Variants in SRGAP2B observed in about 807,000 individuals in gnomAD.
SRGAP2B encodes the protein SLIT-ROBO Rho GTPase-activating protein 2B.
SRGAP2B carries 9 observed loss-of-function variants against 22.2 expected under a neutral mutation model. That is an observed-to-expected ratio of 0.41 (90% CI 0.24 to 0.71). SRGAP2B has a LOEUF of 0.71. SRGAP2B is among the 30% of genes least tolerant of loss of function. The pLI, the probability that SRGAP2B is intolerant of heterozygous loss-of-function variation, is 0.35. For missense variants in SRGAP2B, 114 were observed against 235.8 expected (o/e 0.48, Z 3.38); for synonymous variants, 36 against 87.4 (o/e 0.41, Z 3.28).
intron 2 of SRGAP2B, among the ~76,000 whole-genome samples, chr1:145,044,291 G>A (rs1553628193): frequency 1.6e-5 from 2 of 123,392 alleles, no homozygotes; most frequent in African/African-American, 7.0e-5. Flanking sequence ...TCAACTTGAA[G>A]AGATACTTAT....
In SRGAP2B at chr1:144,889,294, G is replaced by T. The variant is rs1662084870; in HGVS notation, c.*2866C>A. 2.1e-5 allele frequency: 3 copies of T among 143,044 alleles called. No homozygotes were observed. In the South Asian group the frequency reaches 6.8e-4, roughly 32 times the overall value. The allele number at this position is 143,044 out of a possible 1,614,324, so 8.9% of individuals were successfully genotyped here. A position where few individuals can be genotyped will look rare whatever the true frequency, so the allele number is the denominator to read the frequency against. ...TTTTTCAAATGAGAAGGTTGGGTTAGGTAATTTTTAAAAATCGCTTCAAGT... is the reference window on the plus strand; with the variant it reads ...TTTTTCAAATGAGAAGGTTGGGTTATGTAATTTTTAAAAATCGCTTCAAGT... On this transcript the variant is annotated 3_prime_UTR_variant, in exon 10 of 10. Coordinates refer to ENST00000612199, the Ensembl canonical transcript of SRGAP2B.
intron 3 of SRGAP2B, among the ~76,000 whole-genome samples, chr1:144,988,904 TTATGG>T (rs1238580080): frequency 4.9e-5 from 7 of 141,810 alleles, no homozygotes; most frequent in South Asian, 2.3e-4. Context: ...CCTCTGACCA[TTATGG>T]TTCTATGCTT....
intron 3 of SRGAP2B, among the ~76,000 whole-genome samples, chr1:144,957,308 T>C (rs587635691): frequency 1.3e-4 from 19 of 149,370 alleles, no homozygotes; most frequent in Middle Eastern, 3.4e-3. Flanking sequence ...TCCAATTCTA[T>C]AGTAGTAACT....
chr1:144,958,121 A>G (rs1189643294), intron 3 of SRGAP2B, among the ~76,000 whole-genome samples: 1 of 151,110 alleles, frequency 6.6e-6, no homozygotes, highest in Non-Finnish European at 1.5e-5. Flanking sequence ...AAAGACCTAT[A>G]GTAAAGTAGA....
At chr1:144,925,718 G>GAGAGAGAGAT (rs1664633246) in intron 4 of SRGAP2B, among the ~76,000 whole-genome samples, 1 of 136,696 alleles carries the variant, frequency 7.3e-6, no homozygotes, top group Non-Finnish European at 1.6e-5. Context: ...AAGAGAGAGA[G>GAGAGAGAGAT]AGAGAAAGAA....
chr1:145,002,538 A>C (rs1671264929), intron 2 of SRGAP2B, among the ~76,000 whole-genome samples: 1 of 128,922 alleles, frequency 7.8e-6, no homozygotes, highest in African/African-American at 3.3e-5. Context: ...CAACATAGCA[A>C]GACCTCATCT....
intron 4 of SRGAP2B, among the ~76,000 whole-genome samples, chr1:144,945,052 G>GTAATTGGTAAA (rs1553608208): frequency 6.0e-5 from 8 of 132,488 alleles, no homozygotes; most frequent in South Asian, 2.6e-4. Flanking sequence ...GAGCCACCAT[G>GTAATTGGTAAA]CCCAGCCAAA....
chr1:145,044,822 GA>G (rs1252556409), intron 2 of SRGAP2B, among the ~76,000 whole-genome samples: 2 of 148,390 alleles, frequency 1.3e-5, no homozygotes, highest in African/African-American at 5.1e-5. Flanking sequence ...AAACCAACTG[GA>G]GGGATATAGG....
rs1283935721 is a variant in SRGAP2B, at chr1:144,991,357, G to T, written c.260+3651C>A. On this transcript the variant is annotated intron_variant, in intron 3 of 9. Coordinates refer to ENST00000612199, the Ensembl canonical transcript of SRGAP2B. The stretch of plus-strand genomic sequence containing the variant: ...ATCAGCACCCTGTGTTTAGCTCAAG[G>T]TTTGTAAGTGCACCAATCGACACTC... 5.4e-5 allele frequency among the ~76,000 whole-genome samples: 8 copies of T among 147,364 alleles called. No individual in the cohort carries two copies. The East Asian group carries it at 1.6e-3, about 29-fold the overall frequency.
chr1:145,015,463 TC>T (rs1400226534), intron 2 of SRGAP2B, among the ~76,000 whole-genome samples: 3 of 112,292 alleles, frequency 2.7e-5, no homozygotes, highest in Non-Finnish European at 5.3e-5. Context: ...TAAACCAGCT[TC>T]TTGGGCCTGC....
chr1:145,005,097 CAGGCCAGGGCCAGCA>C (rs1365161188), intron 2 of SRGAP2B, among the ~76,000 whole-genome samples: 1 of 102,154 alleles, frequency 9.8e-6, no homozygotes, highest in Non-Finnish European at 2.0e-5. Flanking sequence ...GGTAAATAAG[CAGGCCAGGGCCAGCA>C]GAGAGGGTCC....
chr1:144,918,494 T>TATCATGTTGTATAC (rs1664033830), intron 4 of SRGAP2B: 2 of 142,480 alleles, frequency 1.4e-5, no homozygotes, highest in Admixed American at 6.9e-5. Flanking sequence ...ACCAGTTGTA[T>TATCATGTTGTATAC]GCTGACAAAA....
At chr1:145,082,203 C>T (rs1652998350) in intron 2 of SRGAP2B, among the ~76,000 whole-genome samples, 1 of 147,526 alleles carries the variant, frequency 6.8e-6, no homozygotes, top group African/African-American at 2.7e-5. Flanking sequence ...AAGTTCAGAA[C>T]CATTCATTCA....
At position 145,023,723 on chromosome 1, in the gene SRGAP2B, T is replaced by A. The variant is rs1225869735; in HGVS notation, c.68-28523A>T. Among the ~76,000 whole-genome samples, 26 of 139,098 alleles carry A rather than the reference T, an allele frequency of 1.9e-4. 4 individuals carry two copies. The highest frequency in any genetic ancestry group is 6.7e-4 in the African/African-American group (26 of 38,546). 91.3% of individuals were successfully genotyped at this position (139,098 alleles called of 152,430 possible). A position where few individuals can be genotyped will look rare whatever the true frequency, so the allele number is the denominator to read the frequency against. ...CAAACCACTTCAATCCAACAAATCTTTACTGAGCACCTACTACTATGCCCT... is the reference window on the plus strand; with the variant it reads ...CAAACCACTTCAATCCAACAAATCTATACTGAGCACCTACTACTATGCCCT... On this transcript the variant is annotated intron_variant, in intron 2 of 9. Transcript: ENST00000612199.
intron 2 of SRGAP2B, among the ~76,000 whole-genome samples, chr1:145,020,872 T>C (rs1427696149): frequency 6.7e-6 from 1 of 150,340 alleles, no homozygotes; most frequent in Non-Finnish European, 1.5e-5. Context: ...TGATCTTGGC[T>C]CACTGCAAAC....
intron 3 of SRGAP2B, among the ~76,000 whole-genome samples, chr1:144,956,433 C>T (rs1289848744): frequency 7.6e-6 from 1 of 131,192 alleles, no homozygotes; most frequent in African/African-American, 3.0e-5. Context: ...CCAAGGTGCT[C>T]ATTCCCTTTT....
intron 2 of SRGAP2B, among the ~76,000 whole-genome samples, chr1:145,022,140 G>A (rs1266630697): frequency 8.4e-6 from 1 of 119,288 alleles, no homozygotes. Flanking sequence ...GCCACAAGGA[G>A]GCAATTTCAG....
At chr1:144,964,992 C>G (rs1484920576) in intron 3 of SRGAP2B, 15 of 1,431,968 alleles carry the variant, frequency 1.0e-5, no homozygotes, top group Non-Finnish European at 1.5e-5. Context: ...ACCTTCGCCT[C>G]GCCCCGCCGG....
At chr1:144,934,419 A>AAAAAAAAAAAAAAAAC (rs1665471178) in intron 4 of SRGAP2B, among the ~76,000 whole-genome samples, 1 of 148,526 alleles carries the variant, frequency 6.7e-6, no homozygotes, top group African/African-American at 2.6e-5. Context: ...AAAAAAAAAA[A>AAAAAAAAAAAAAAAAC]AAAAAAAGAG....
Sources: gnomAD v4.1 joint callset for allele counts (sites outside exome capture counted in the v4.1 genomes callset) on GRCh38, gnomAD v4.1.1 for gene constraint, MANE v1.5 for transcripts, NCBI Gene and HGNC (gene_info 2026-07-23, HGNC 2026-07-21) for gene names.